SULF2: variants seen among roughly 807,000 people sequenced by gnomAD.
SULF2 encodes extracellular sulfatase Sulf-2.
SULF2 carries 52 observed loss-of-function variants against 107.7 expected under a neutral mutation model. The ratio of observed to expected loss-of-function variants is 0.48; its 90% confidence interval spans 0.39 to 0.61. The LOEUF is 0.61. Ranked by LOEUF, SULF2 falls within the 20% of genes least tolerant of loss-of-function variation. SULF2 has a pLI of 0.00. For synonymous variants in SULF2, 460 were observed against 464.3 expected, an observed-to-expected ratio of 0.99 and a Z score of 0.12; for missense variants, 993 against 1,177.3, an observed-to-expected ratio of 0.84 and a Z score of 2.29.
chr20:47,742,731 T>G (rs2089913652), intron 2 of SULF2, among the ~76,000 whole-genome samples: 2 of 152,132 alleles, frequency 1.3e-5, no homozygotes, highest in Admixed American at 6.6e-5. Flanking sequence ...GAGTTATATA[T>G]ATATATTTTT....
At chr20:47,749,650 G>A (rs573059944) in intron 2 of SULF2, among the ~76,000 whole-genome samples, 13 of 152,340 alleles carry the variant, frequency 8.5e-5, no homozygotes, top group Non-Finnish European at 1.5e-4. Flanking sequence ...TGTGGCACAG[G>A]GTGTGGTTTC....
intron 1 of SULF2, among the ~76,000 whole-genome samples, chr20:47,766,176 C>T (rs76973509): frequency 0.019 from 2,940 of 152,336 alleles, 48 homozygotes; most frequent in South Asian, 0.039. Context: ...ACACGCACAT[C>T]TGTTAAACTT....
chr20:47,767,546 T>C (rs2090549779), intron 1 of SULF2, among the ~76,000 whole-genome samples: 1 of 152,152 alleles, frequency 6.6e-6, no homozygotes, highest in Non-Finnish European at 1.5e-5. Context: ...TTTGGGAGGC[T>C]GCGGCAGGTG....
chr20:47,707,426 G>T (rs4407304), intron 3 of SULF2, among the ~76,000 whole-genome samples: 1 of 151,950 alleles, frequency 6.6e-6, no homozygotes, highest in Admixed American at 6.5e-5. Context: ...CACGTGCTTA[G>T]AGGCTCTGGA....
chr20:47,757,403 G>C lies in SULF2; in HGVS notation c.-40C>G. The C allele has an allele frequency of 1.3e-6, 2 of 1,534,574 alleles. No individual in the cohort carries two copies. The highest frequency in any genetic ancestry group is 1.8e-6 in the Non-Finnish European group (2 of 1,133,362). The stretch of plus-strand genomic sequence containing the variant: ...GATCTGGTGCTTCTTTTGGGATGCG[G>C]GAGTCTCAAGTTGCGTCTGTGGCTT... On this transcript the variant is annotated 5_prime_UTR_variant, in exon 2 of 21. Coordinates refer to ENST00000688720, the MANE Select transcript of SULF2 (RefSeq NM_001387048.1).
Position 47,686,573 on chromosome 20 carries a change from G to T in SULF2, c.738-1992C>A, listed in dbSNP as rs573211818. ...TGCTTTTCACAGTGGGTGTTCTGGG[G>T]GCAAGGAGCTCCCGCGAAGAAGAGG... On this transcript the variant is annotated intron_variant, in intron 5 of 20. Coordinates refer to ENST00000688720, the MANE Select transcript of SULF2 (RefSeq NM_001387048.1). Among the ~76,000 whole-genome samples, 4 of 152,322 alleles carry T rather than the reference G, an allele frequency of 2.6e-5. No homozygotes were observed. The South Asian group carries it at 8.3e-4, about 32-fold the overall frequency.
Position 47,785,470 on chromosome 20 carries a change from G to A in SULF2, c.-228C>T, listed in dbSNP as rs1247763108. On this transcript the variant is annotated 5_prime_UTR_variant, in exon 1 of 21. Coordinates refer to ENST00000688720, the MANE Select transcript of SULF2 (RefSeq NM_001387048.1). ...TGCCGCTGCCGCCGCCGCCGCCGCC[G>A]CTGCCGCTGCTGCATCCCCCGGCGA... 2.5e-5 allele frequency: 4 copies of A among 158,398 alleles called. No homozygotes were observed. Among genetic ancestry groups the A allele is most frequent in the Non-Finnish European group, 5.2e-5 (4 of 76,540 alleles). 9.8% of individuals were successfully genotyped at this position (158,398 alleles called of 1,614,324 possible). A position where few individuals can be genotyped will look rare whatever the true frequency, so the allele number is the denominator to read the frequency against.
At position 47,673,055 on chromosome 20, in the gene SULF2, G is replaced by A. The variant is rs116880672; in HGVS notation, c.1381-662C>T. 2.5e-3 allele frequency among the ~76,000 whole-genome samples: 378 copies of A among 152,320 alleles called. 2 individuals carry two copies. Among genetic ancestry groups the A allele is most frequent in the Admixed American group, 4.0e-3 (61 of 15,302 alleles). Reference sequence around the variant, plus strand: ...GTGTGCACTCAACTCCAGGCCTGTGGTCAGACGCTGAATGTAGATAGAATC... The same window carrying A: ...GTGTGCACTCAACTCCAGGCCTGTGATCAGACGCTGAATGTAGATAGAATC... On this transcript the variant is annotated intron_variant, in intron 10 of 20. Coordinates refer to ENST00000688720, the MANE Select transcript of SULF2 (RefSeq NM_001387048.1).
At chr20:47,691,745 T>C (rs2088204128) in intron 4 of SULF2, among the ~76,000 whole-genome samples, 2 of 152,036 alleles carry the variant, frequency 1.3e-5, no homozygotes, top group Non-Finnish European at 2.9e-5. Flanking sequence ...AAAAAAGGGA[T>C]GGGGATGCAG....
In SULF2 at chr20:47,680,964, C is replaced by T. The variant is rs1043698980; in HGVS notation, c.1064+2030G>A. ...CCTGGTTACTCAAGGGTTTCTGTCA[C>T]CTCTGGCTACAGTGAATGGTTCAGG... On this transcript the variant is annotated intron_variant, in intron 7 of 20. Coordinates refer to ENST00000688720, the MANE Select transcript of SULF2 (RefSeq NM_001387048.1). The surrounding 1 kb of genome is among the most constrained non-coding windows in gnomAD (Gnocchi z 4.2). Among the ~76,000 whole-genome samples the T allele has an allele frequency of 2.6e-5, 4 of 152,208 alleles. No individual in the cohort carries two copies. Among genetic ancestry groups the T allele is most frequent in the Non-Finnish European group, 4.4e-5 (3 of 68,028 alleles).
At chr20:47,741,714 G>A (rs1222984271) in intron 2 of SULF2, among the ~76,000 whole-genome samples, 1 of 152,180 alleles carries the variant, frequency 6.6e-6, no homozygotes. Context: ...AAAGGACGAA[G>A]CAGCTGGTAG....
chr20:47,771,193 C>A (rs2090624224), intron 1 of SULF2, among the ~76,000 whole-genome samples: 1 of 152,110 alleles, frequency 6.6e-6, no homozygotes, highest in Admixed American at 6.5e-5. Flanking sequence ...GTGCTCACGT[C>A]CATTTCAAAG....
chr20:47,683,311 C>G lies in SULF2; in HGVS notation c.889-142G>C, dbSNP rs983998517. 24 of 786,680 alleles carry G rather than the reference C, an allele frequency of 3.1e-5. No individual in the cohort carries two copies. In the East Asian group the frequency reaches 6.2e-4, roughly 20 times the overall value. 48.7% of individuals were successfully genotyped at this position (786,680 alleles called of 1,614,324 possible). ...TGCTCAACTTTCCCAGGGGCTGTCCCCTTTGTCACTGCACCTTCCTGCCTC... is the reference window on the plus strand; with the variant it reads ...TGCTCAACTTTCCCAGGGGCTGTCCGCTTTGTCACTGCACCTTCCTGCCTC... On this transcript the variant is annotated intron_variant, in intron 6 of 20. Transcript: ENST00000688720.
At chr20:47,764,887 C>A (rs1371335929) in intron 1 of SULF2, among the ~76,000 whole-genome samples, 2 of 152,206 alleles carry the variant, frequency 1.3e-5, no homozygotes, top group Non-Finnish European at 2.9e-5. Flanking sequence ...TAGTGTGTGA[C>A]CTCACGCCAC....
At chr20:47,722,955 T>C (rs2089335049) in intron 3 of SULF2, among the ~76,000 whole-genome samples, 1 of 152,136 alleles carries the variant, frequency 6.6e-6, no homozygotes, top group Non-Finnish European at 1.5e-5. Flanking sequence ...TAATGCCAGC[T>C]ACTTGGGAGG....
At chr20:47,695,499 T>C (rs916247731) in intron 4 of SULF2, among the ~76,000 whole-genome samples, 1 of 152,216 alleles carries the variant, frequency 6.6e-6, no homozygotes, top group Admixed American at 6.5e-5. Context: ...ATTGTCTGAC[T>C]AATTTAGATG....
intron 3 of SULF2, among the ~76,000 whole-genome samples, chr20:47,731,187 C>CTCTCTCTTTTTTTTTTTTTTTTT (rs1186229502): frequency 4.9e-5 from 4 of 81,166 alleles, no homozygotes; most frequent in African/African-American, 2.5e-4. Flanking sequence ...TGTATCTTCT[C>CTCTCTCTTTTTTTTTTTTTTTTT]TTTTTTTTTT....
rs2087734528 is a variant in SULF2 at position 47,678,873 on chromosome 20, G to A, written c.1065-69C>T. ...GTGCCTCAGCCTCGCGTGGGGGGTG[G>A]GGAGCGGTAGGTGGGCAGCAGTTTG... is the stretch of plus-strand genomic sequence containing the variant. On this transcript the variant is annotated intron_variant, in intron 7 of 20. Transcript: ENST00000688720. This position sits in a 1 kb window ranked among gnomAD's most constrained non-coding sequence, Gnocchi z 4.5. 7 of 1,392,584 alleles carry A rather than the reference G, an allele frequency of 5.0e-6. No homozygotes were observed. The South Asian group carries it at 7.1e-5, about 14-fold the overall frequency. 86.3% of individuals were successfully genotyped at this position (1,392,584 alleles called of 1,614,324 possible).
intron 2 of SULF2, among the ~76,000 whole-genome samples, chr20:47,743,618 C>A (rs2089941179): frequency 6.6e-6 from 1 of 152,172 alleles, no homozygotes; most frequent in Non-Finnish European, 1.5e-5. Flanking sequence ...CTGGCCAGGA[C>A]TTCTTTTAAA....
Sources: gnomAD v4.1 joint callset for allele counts (sites outside exome capture counted in the v4.1 genomes callset) on GRCh38, gnomAD v4.1.1 for gene constraint, Gnocchi (gnomAD v3.1) non-coding constraint, MANE v1.5 for transcripts, NCBI Gene and HGNC (gene_info 2026-07-23, HGNC 2026-07-21) for gene names.